The following AMMECR1L variants were observed in gnomAD, a reference collection of about 807,000 sequenced individuals.
AMMECR1L encodes the protein AMMECR1-like protein.
AMMECR1L carries 4 observed loss-of-function variants against 36.8 expected under a neutral mutation model. That is an observed-to-expected ratio of 0.11 (90% CI 0.05 to 0.25). The LOEUF (loss-of-function observed/expected upper bound fraction) is 0.25. AMMECR1L is among the 10% of genes least tolerant of loss of function. AMMECR1L has a pLI of 1.00. For synonymous variants in AMMECR1L, 147 were observed against 148.0 expected (o/e 0.99, Z 0.05); for missense variants, 232 against 392.1 (o/e 0.59, Z 3.45).
chr2:127,878,339 G>A (rs971720119), intron 2 of AMMECR1L, among the ~76,000 whole-genome samples: 10 of 152,174 alleles, frequency 6.6e-5, no homozygotes, highest in African/African-American at 1.7e-4. Flanking sequence ...CAGCAGGACC[G>A]CATTCCCAGA....
intron 2 of AMMECR1L, among the ~76,000 whole-genome samples, chr2:127,875,041 CCT>C (rs1196280500): frequency 6.6e-6 from 1 of 152,210 alleles, no homozygotes; most frequent in Admixed American, 6.5e-5. Context: ...CAGTTTCTGC[CCT>C]GTCATAGCCA....
intron 6 of AMMECR1L, among the ~76,000 whole-genome samples, chr2:127,868,566 T>G (rs1467987362): frequency 6.6e-6 from 1 of 152,230 alleles, no homozygotes; most frequent in African/African-American, 2.4e-5. Flanking sequence ...CATATTATTT[T>G]CAAAATCAGA....
chr2:127,884,531 T>A (rs1370142629), intron 1 of AMMECR1L, among the ~76,000 whole-genome samples: 1 of 152,132 alleles, frequency 6.6e-6, no homozygotes, highest in Non-Finnish European at 1.5e-5. Flanking sequence ...ATCCTTAGCG[T>A]CATCAGCAAG....
Position 127,869,096 on chromosome 2 carries a change from T to C in AMMECR1L, c.724+358A>G, listed in dbSNP as rs1289369286. Among the ~76,000 whole-genome samples the C allele has an allele frequency of 6.6e-6, 1 of 152,190 alleles. No individual in the cohort carries two copies. Among genetic ancestry groups the C allele is most frequent in the African/African-American group, 2.4e-5 (1 of 41,440 alleles). On this transcript the variant is annotated intron_variant, in intron 6 of 7. Coordinates refer to ENST00000272647, the MANE Select transcript of AMMECR1L (RefSeq NM_001199140.2). The surrounding 1 kb of genome is among the most constrained non-coding windows in gnomAD (Gnocchi z 4.7). The stretch of plus-strand genomic sequence containing the variant: ...GCCATGTATAATATTGTTTAATGAT[T>C]TGTGATCCAAAGTTCGGTACCTACT...
At chr2:127,877,790 C>T (rs1691317587) in intron 2 of AMMECR1L, among the ~76,000 whole-genome samples, 1 of 152,158 alleles carries the variant, frequency 6.6e-6, no homozygotes, top group African/African-American at 2.4e-5. Context: ...GGAGTGGTGA[C>T]TCACACCTAT....
intron 2 of AMMECR1L, among the ~76,000 whole-genome samples, chr2:127,881,022 C>A (rs1443888173): frequency 6.6e-6 from 1 of 152,096 alleles, no homozygotes; most frequent in Admixed American, 6.5e-5. Flanking sequence ...TCAACTATCA[C>A]CTAAATTCAC....
At chr2:127,885,298 G>A (rs967976353) in intron 1 of AMMECR1L, 2 of 984,732 alleles carry the variant, frequency 2.0e-6, no homozygotes, top group South Asian at 4.7e-5. Flanking sequence ...GGTGAGAAAC[G>A]AGGGTATGAG....
chr2:127,869,962 C>T lies in AMMECR1L; in HGVS notation c.634-418G>A, dbSNP rs1690883506. ...CCTGTAATCCCAACAATTTGGGAGGCCAAGGCCGTCAGGAGTTTGAGACCA... is the reference window on the plus strand; with the variant it reads ...CCTGTAATCCCAACAATTTGGGAGGTCAAGGCCGTCAGGAGTTTGAGACCA... On this transcript the variant is annotated intron_variant, in intron 5 of 7. Coordinates refer to ENST00000272647, the MANE Select transcript of AMMECR1L (RefSeq NM_001199140.2). This position sits in a 1 kb window ranked among gnomAD's most constrained non-coding sequence, Gnocchi z 4.7. Among the ~76,000 whole-genome samples the T allele has an allele frequency of 6.6e-6, 1 of 152,164 alleles. No homozygotes were observed. The highest frequency in any genetic ancestry group is 2.1e-4 in the South Asian group (1 of 4,828).
In AMMECR1L at chr2:127,874,365, A is replaced by ATGC. The variant is rs2104762700; in HGVS notation, c.-38-94_-38-93insGCA. The ATGC allele has an allele frequency of 1.6e-6, 2 of 1,212,288 alleles. No homozygotes were observed. Among genetic ancestry groups the ATGC allele is most frequent in the East Asian group, 5.1e-5 (2 of 38,964 alleles). 75.1% of individuals were successfully genotyped at this position (1,212,288 alleles called of 1,614,324 possible). Reference sequence around the variant, plus strand: ...GATAGAGAGTCTGCATTGACCAGCTAAGAGCTGTCAAATTCTTTCTCCCAC... The same window carrying ATGC: ...GATAGAGAGTCTGCATTGACCAGCTATGCAGAGCTGTCAAATTCTTTCTCCCAC... On this transcript the variant is annotated intron_variant, in intron 2 of 7. Coordinates refer to ENST00000272647, the MANE Select transcript of AMMECR1L (RefSeq NM_001199140.2). This position sits in a 1 kb window ranked among gnomAD's most constrained non-coding sequence, Gnocchi z 5.2.
chr2:127,866,665 T>G (rs555482295), intron 7 of AMMECR1L, among the ~76,000 whole-genome samples: 40 of 152,330 alleles, frequency 2.6e-4, no homozygotes, highest in Non-Finnish European at 4.7e-4. Context: ...ATCCACAGCC[T>G]GCAGGGCAGA....
intron 6 of AMMECR1L, among the ~76,000 whole-genome samples, chr2:127,868,728 A>T (rs1005572081): frequency 6.6e-6 from 1 of 150,982 alleles, no homozygotes; most frequent in Non-Finnish European, 1.5e-5. Flanking sequence ...TAGGCTACTG[A>T]GTTTTTTTTT....
chr2:127,873,788 C>T lies in AMMECR1L; in HGVS notation c.407+40G>A, dbSNP rs1691101063. On this transcript the variant is annotated intron_variant, in intron 3 of 7. Transcript: ENST00000272647. This position sits in a 1 kb window ranked among gnomAD's most constrained non-coding sequence, Gnocchi z 5.2. ...AGAGAATCACCCCAGAAAGATGTCA[C>T]CATGCCTTCCTCAGTGCCCCCAGCA... 3 of 1,612,400 alleles carry T rather than the reference C, an allele frequency of 1.9e-6. No homozygotes were observed. The highest frequency in any genetic ancestry group is 2.5e-6 in the Non-Finnish European group (3 of 1,179,854).
rs1174346496 is a variant in AMMECR1L, at chr2:127,864,353, G to T, written c.*741C>A. On this transcript the variant is annotated 3_prime_UTR_variant, in exon 8 of 8. Transcript: ENST00000272647. ...TCCATTCCATTCCATTCCTCAGCAG[G>T]CTACATGACGGAGCTCTGTTCAGTA... 6.5e-6 allele frequency: 1 copy of T among 152,708 alleles called. No individual in the cohort carries two copies. Among genetic ancestry groups the T allele is most frequent in the African/African-American group, 2.4e-5 (1 of 41,448 alleles). The allele number at this position is 152,708 out of a possible 1,614,324, so 9.5% of individuals were successfully genotyped here.
In AMMECR1L at chr2:127,869,490, T is replaced by C. The variant is rs1180184568; in HGVS notation, c.688A>G (p.Thr230Ala). Residue 230 changes from threonine (T) to alanine (A), a missense_variant, in exon 6 of 8, where the codon ACA (threonine) becomes GCA (alanine). Physicochemically the swap from Thr to Ala is moderately conservative, Grantham distance 58 (BLOSUM62 0). Coordinates refer to ENST00000272647, the MANE Select transcript of AMMECR1L (RefSeq NM_001199140.2). The surrounding 1 kb of genome is among the most constrained non-coding windows in gnomAD (Gnocchi z 4.7). ...EFINEKGVKRTATYLPEVAKE... is the reference protein window; with the variant it reads ...EFINEKGVKRAATYLPEVAKE... Reference sequence around the variant, plus strand: ...GCAACCTCAGGTAAATATGTGGCTGTGCGTTTGACACCTTTTTCATTAATG... The same window carrying C: ...GCAACCTCAGGTAAATATGTGGCTGCGCGTTTGACACCTTTTTCATTAATG... 6.2e-7 allele frequency: 1 copy of C among 1,614,192 alleles called. No homozygotes were observed. The highest frequency in any genetic ancestry group is 1.1e-5 in the South Asian group (1 of 91,086).
At chr2:127,879,351 T>G (rs1000769841) in intron 2 of AMMECR1L, among the ~76,000 whole-genome samples, 5 of 152,084 alleles carry the variant, frequency 3.3e-5, no homozygotes, top group Non-Finnish European at 5.9e-5. Context: ...CATTTAAAAG[T>G]GTGTGGCACC....
At chr2:127,877,622 C>T (rs960226574) in intron 2 of AMMECR1L, among the ~76,000 whole-genome samples, 2 of 152,190 alleles carry the variant, frequency 1.3e-5, no homozygotes, top group African/African-American at 4.8e-5. Context: ...AGGCATGAGC[C>T]ACCGCACCTG....
rs971992337 is a variant in AMMECR1L, at chr2:127,862,860, C to A, written c.*2234G>T. On this transcript the variant is annotated 3_prime_UTR_variant, in exon 8 of 8. Transcript: ENST00000272647. Reference sequence around the variant, plus strand: ...TCTTAAATGGCAGGTATCGTACCCCCCCTCGATAAAATAAAATAAAATAAA... The same window carrying A: ...TCTTAAATGGCAGGTATCGTACCCCACCTCGATAAAATAAAATAAAATAAA... 6.6e-6 allele frequency: 1 copy of A among 150,844 alleles called. No homozygotes were observed. Among genetic ancestry groups the A allele is most frequent in the Non-Finnish European group, 1.5e-5 (1 of 67,894 alleles). The allele number at this position is 150,844 out of a possible 1,614,324, so 9.3% of individuals were successfully genotyped here.
intron 2 of AMMECR1L, among the ~76,000 whole-genome samples, chr2:127,882,731 C>T (rs1263844129): frequency 2.0e-5 from 3 of 151,050 alleles, no homozygotes; most frequent in Admixed American, 2.0e-4. Flanking sequence ...GTAGCTGGGA[C>T]CACCGCCATG....
chr2:127,865,252 T>G lies in AMMECR1L; in HGVS notation c.822-47A>C. ...GGTATTAGGAACCCCAAACGCTTCA[T>G]TTTGTAAAGTCACTCAGCAGAGAAA... On this transcript the variant is annotated intron_variant, in intron 7 of 7. Transcript: ENST00000272647. The surrounding 1 kb of genome is among the most constrained non-coding windows in gnomAD (Gnocchi z 5.4). The G allele has an allele frequency of 7.3e-7, 1 of 1,374,770 alleles. No homozygotes were observed. The highest frequency in any genetic ancestry group is 1.0e-6 in the Non-Finnish European group (1 of 987,200). The allele number at this position is 1,374,770 out of a possible 1,614,324, so 85.2% of individuals were successfully genotyped here.
Sources: allele counts gnomAD v4.1 joint callset (sites outside exome capture counted in the v4.1 genomes callset), GRCh38; gene constraint gnomAD v4.1.1; non-coding constraint Gnocchi (gnomAD v3.1); transcripts MANE v1.5; gene names NCBI Gene and HGNC (gene_info 2026-07-23, HGNC 2026-07-21).